Variants in FNIP1 observed in about 807,000 individuals in gnomAD.
FNIP1 encodes folliculin interacting protein 1, also known as folliculin-interacting protein 1.
FNIP1 carries 40 observed loss-of-function variants against 124.5 expected under a neutral mutation model. The observed-to-expected ratio is 0.32, with a 90% CI of 0.25 to 0.42. The LOEUF (loss-of-function observed/expected upper bound fraction) is 0.42, where lower values mean the gene tolerates loss of function less well. FNIP1 is among the 10% of genes least tolerant of loss of function. The probability of loss-of-function intolerance (pLI) is 1.00; values close to 1 mark genes in which losing one functional copy is unlikely to be tolerated. For synonymous variants in FNIP1, 472 were observed against 470.6 expected (o/e 1.00, Z -0.04); for missense variants, 1,176 against 1,403.7 (o/e 0.84, Z 2.59).
intron 1 of FNIP1, among the ~76,000 whole-genome samples, chr5:131,746,974 T>C (rs1408876330): frequency 2.6e-5 from 4 of 152,168 alleles, no homozygotes; most frequent in African/African-American, 7.2e-5. Flanking sequence ...GCCAATCTGA[T>C]TGATGTGAGA....
chr5:131,721,445 A>C (rs1351095655), intron 3 of FNIP1, among the ~76,000 whole-genome samples: 2 of 152,186 alleles, frequency 1.3e-5, no homozygotes, highest in African/African-American at 2.4e-5. Context: ...AAAACAATTC[A>C]TTGTACACTT....
chr5:131,677,961 A>G lies in FNIP1; in HGVS notation c.1350-89T>C, dbSNP rs545840084. 8.0e-6 allele frequency: 11 copies of G among 1,375,184 alleles called. No homozygotes were observed. The South Asian group carries it at 1.3e-4, about 16-fold the overall frequency. 85.2% of individuals were successfully genotyped at this position (1,375,184 alleles called of 1,614,324 possible). On this transcript the variant is annotated intron_variant, in intron 12 of 17. Coordinates refer to ENST00000510461, the MANE Select transcript of FNIP1 (RefSeq NM_133372.3). ...GTGAAAAAGTAAGCAAGGGGAGTAT[A>G]TATGTTCATGTGGCCAAATGGCACC...
intron 3 of FNIP1, among the ~76,000 whole-genome samples, chr5:131,725,843 T>C (rs932308160): frequency 3.9e-5 from 6 of 152,236 alleles, no homozygotes; most frequent in Admixed American, 6.5e-5. Flanking sequence ...TTGTCATAAA[T>C]AGCTCTTATT....
intron 1 of FNIP1, among the ~76,000 whole-genome samples, chr5:131,766,000 T>C (rs1771409437): frequency 6.6e-6 from 1 of 152,214 alleles, no homozygotes. Flanking sequence ...TGCCAAATTA[T>C]CTGATTACAA....
intron 1 of FNIP1, among the ~76,000 whole-genome samples, chr5:131,749,365 G>T (rs369824544): frequency 2.0e-5 from 3 of 149,736 alleles, no homozygotes; most frequent in African/African-American, 7.4e-5. Flanking sequence ...TGAATGGATC[G>T]CCCTATATAA....
chr5:131,677,955 G>T, intron 12 of FNIP1, 83 bp from the exon 13 acceptor site: 1 of 1,414,678 alleles, frequency 7.1e-7, no homozygotes, highest in Non-Finnish European at 9.6e-7. Context: ...TAAGCAAGGG[G>T]AGTATATATG....
At chr5:131,746,517 A>C (rs1770686955) in intron 1 of FNIP1, among the ~76,000 whole-genome samples, 1 of 152,170 alleles carries the variant, frequency 6.6e-6, no homozygotes, top group Non-Finnish European at 1.5e-5. Context: ...ATAACTGAGA[A>C]CATGCGGTAT....
chr5:131,702,767 A>G (rs1768944966), intron 10 of FNIP1, among the ~76,000 whole-genome samples: 1 of 152,212 alleles, frequency 6.6e-6, no homozygotes, highest in South Asian at 2.1e-4. Flanking sequence ...GCAACTGACA[A>G]AAGTGATCAC....
In FNIP1 at chr5:131,796,988, C is replaced by A; in HGVS notation, c.-67G>T. ...CTAGGCCCCTGCTCCTACAGCCGCCCCGCCACCCCCATGGGCGCCTCAGTC... is the reference window on the plus strand; with the variant it reads ...CTAGGCCCCTGCTCCTACAGCCGCCACGCCACCCCCATGGGCGCCTCAGTC... On this transcript the variant is annotated 5_prime_UTR_variant, in exon 1 of 18. Transcript: ENST00000510461. 2 of 1,408,290 alleles carry A rather than the reference C, an allele frequency of 1.4e-6. No individual in the cohort carries two copies. The highest frequency in any genetic ancestry group is 2.6e-5 in the East Asian group (1 of 39,056). 87.2% of individuals were successfully genotyped at this position (1,408,290 alleles called of 1,614,324 possible).
chr5:131,721,302 T>G (rs1769651870), intron 3 of FNIP1, among the ~76,000 whole-genome samples: 2 of 151,724 alleles, frequency 1.3e-5, no homozygotes, highest in African/African-American at 2.4e-5. Flanking sequence ...ATTTACAGAA[T>G]CAAAGAGTAG....
At chr5:131,647,058 A>C (rs1766905012) in intron 17 of FNIP1, 32 bp downstream of exon 17, 1 of 1,595,774 alleles carries the variant, frequency 6.3e-7, no homozygotes, top group African/African-American at 1.3e-5. Flanking sequence ...AGGGCAATGA[A>C]AGCAAAGCCA....
At chr5:131,763,044 G>C (rs1771285242) in intron 1 of FNIP1, among the ~76,000 whole-genome samples, 1 of 152,114 alleles carries the variant, frequency 6.6e-6, no homozygotes, top group Non-Finnish European at 1.5e-5. Context: ...GGGGAGTGAG[G>C]ATGGTTAATG....
rs928893902 is a variant in FNIP1 at position 131,753,134 on chromosome 5, A to C, written c.93-8444T>G. ...TGGCCACAAGCATTAAAATGGCTAA[A>C]ACTGACACGACTAATAACACCAGTG... On this transcript the variant is annotated intron_variant, in intron 1 of 17. Coordinates refer to ENST00000510461, the MANE Select transcript of FNIP1 (RefSeq NM_133372.3). Among the ~76,000 whole-genome samples the C allele has an allele frequency of 3.3e-5, 5 of 152,218 alleles. No homozygotes were observed. In the South Asian group the frequency reaches 1.0e-3, roughly 32 times the overall value.
rs1404418716 is a variant in FNIP1, at chr5:131,647,239, A to G, written c.3307-34T>C. On this transcript the variant is annotated intron_variant, in intron 16 of 17. Transcript: ENST00000510461. ...AGGGAGGAACCAAGAACCAGGTCAG[A>G]AAACAGTTTGCAACTCTCAGTCATG... is the stretch of plus-strand genomic sequence containing the variant. 4 of 1,548,246 alleles carry G rather than the reference A, an allele frequency of 2.6e-6. No homozygotes were observed. In the South Asian group the frequency reaches 4.5e-5, roughly 17 times the overall value.
chr5:131,715,080 A>G (rs1422665889), intron 6 of FNIP1, among the ~76,000 whole-genome samples: 3 of 152,250 alleles, frequency 2.0e-5, no homozygotes, highest in Admixed American at 6.5e-5. Context: ...ATTTAAAGTC[A>G]GTAGTATGTA....
At chr5:131,754,250 C>T (rs1770972930) in intron 1 of FNIP1, among the ~76,000 whole-genome samples, 1 of 152,136 alleles carries the variant, frequency 6.6e-6, no homozygotes, top group East Asian at 1.9e-4. Context: ...GATAGCCATA[C>T]CATGAAATGC....
chr5:131,658,164 T>G (rs901506258), intron 15 of FNIP1, among the ~76,000 whole-genome samples: 2 of 150,204 alleles, frequency 1.3e-5, no homozygotes, highest in Non-Finnish European at 2.9e-5. Context: ...TGCCAGACAA[T>G]GAGGAACAAG....
At chr5:131,773,815 T>C (rs1771719289) in intron 1 of FNIP1, among the ~76,000 whole-genome samples, 1 of 151,936 alleles carries the variant, frequency 6.6e-6, no homozygotes, top group African/African-American at 2.4e-5. Context: ...TAAGAAGAGG[T>C]TTGTGTATAG....
intron 3 of FNIP1, 30 bp from the exon 4 acceptor site, chr5:131,719,447 TGTTA>T (rs1290096721): frequency 6.4e-7 from 1 of 1,557,296 alleles, no homozygotes; most frequent in African/African-American, 1.4e-5. Context: ...TAACAAACTG[TGTTA>T]ATTAAAAGCT....
Sources: allele counts gnomAD v4.1 joint callset (sites outside exome capture counted in the v4.1 genomes callset), GRCh38; gene constraint gnomAD v4.1.1; transcripts MANE v1.5; gene names NCBI Gene and HGNC (gene_info 2026-07-23, HGNC 2026-07-21).